The following RASSF3 variants were observed in gnomAD, a reference collection of about 807,000 sequenced individuals.
RASSF3 encodes ras association domain-containing protein 3.
Under a neutral mutation model 19.9 loss-of-function variants are expected in RASSF3, and 19 were observed. The ratio of observed to expected loss-of-function variants is 0.96; its 90% CI spans 0.67 to 1.40. The LOEUF is 1.40. RASSF3 is among the 40% of genes most tolerant of loss of function. The pLI is 0.00. For missense variants in RASSF3, 306 were observed against 289.8 expected (o/e 1.06, Z -0.41); for synonymous variants, 110 against 104.2 (o/e 1.06, Z -0.34).
chr12:64,621,707 G>C (rs943773577), intron 1 of RASSF3, among the ~76,000 whole-genome samples: 2 of 152,170 alleles, frequency 1.3e-5, no homozygotes, highest in African/African-American at 4.8e-5. Context: ...CCTGATCTCC[G>C]GTAATCTACC....
At chr12:64,545,274 A>G (rs1365610451), downstream of RASSF3, among the ~76,000 whole-genome samples, 1 of 152,170 alleles carries the variant, frequency 6.6e-6, no homozygotes, top group African/African-American at 2.4e-5. Flanking sequence ...TTGGCTTGGA[A>G]AAAAATGTGG....
intron 4 of RASSF3, among the ~76,000 whole-genome samples, chr12:64,694,091 C>T (rs373335934): frequency 1.9e-4 from 29 of 152,156 alleles, no homozygotes; most frequent in South Asian, 1.7e-3. Context: ...GAGTGAAGCT[C>T]GGTGAGAGAG....
upstream of RASSF3, among the ~76,000 whole-genome samples, chr12:64,606,809 C>T (rs974098010): frequency 6.6e-6 from 1 of 151,710 alleles, no homozygotes; most frequent in Non-Finnish European, 1.5e-5. Context: ...AGTGAGACTG[C>T]GTCTCAAAAA....
intron 1 of RASSF3, among the ~76,000 whole-genome samples, chr12:64,672,312 G>A (rs1872727043): frequency 6.6e-6 from 1 of 152,004 alleles, no homozygotes; most frequent in Non-Finnish European, 1.5e-5. Flanking sequence ...TGGAACCCCC[G>A]CCTCCTGAGT....
chr12:64,550,740 CG>C (rs1229224325), intron 2 of RASSF3, among the ~76,000 whole-genome samples: 3 of 144,142 alleles, frequency 2.1e-5, no homozygotes, highest in African/African-American at 7.6e-5. Context: ...GGGAGAATTG[CG>C]TGAGCCCAGG....
intron 1 of RASSF3, among the ~76,000 whole-genome samples, chr12:64,624,259 C>T (rs1870905568): frequency 6.6e-6 from 1 of 151,800 alleles, no homozygotes; most frequent in South Asian, 2.1e-4. Context: ...ATGCATCTTG[C>T]TTGTTTGAGG....
At chr12:64,650,747 CT>C (rs1871923297) in intron 1 of RASSF3, among the ~76,000 whole-genome samples, 4 of 151,976 alleles carry the variant, frequency 2.6e-5, no homozygotes, top group African/African-American at 9.7e-5. Context: ...TTTTAGGAGT[CT>C]TAAAAAAAGT....
At chr12:64,559,850 G>A (rs1263095179) in intron 2 of RASSF3, among the ~76,000 whole-genome samples, 1 of 152,174 alleles carries the variant, frequency 6.6e-6, no homozygotes, top group Non-Finnish European at 1.5e-5. Flanking sequence ...ACTGGTTCCT[G>A]CTCGCTAATT....
chr12:64,608,461 C>T (rs984299003), upstream of RASSF3, among the ~76,000 whole-genome samples: 6 of 152,066 alleles, frequency 3.9e-5, no homozygotes, highest in South Asian at 1.0e-3. Flanking sequence ...AGCTGGCGCA[C>T]GCTACCACGC....
chr12:64,598,593 C>G (rs1033847796), intron 2 of RASSF3, among the ~76,000 whole-genome samples: 4 of 152,172 alleles, frequency 2.6e-5, no homozygotes, highest in African/African-American at 9.7e-5. Flanking sequence ...TAGGCTACCA[C>G]TAAGGCCTCC....
At chr12:64,620,159 G>A (rs753169146) in intron 1 of RASSF3, among the ~76,000 whole-genome samples, 11 of 151,940 alleles carry the variant, frequency 7.2e-5, no homozygotes, top group African/African-American at 1.2e-4. Context: ...ATATAGGTTC[G>A]TCTGACTAGT....
intron 2 of RASSF3, among the ~76,000 whole-genome samples, chr12:64,596,079 G>C (rs1206454116): frequency 6.6e-6 from 1 of 152,224 alleles, no homozygotes; most frequent in African/African-American, 2.4e-5. Flanking sequence ...AGAGAGGCCA[G>C]GAAGAATCTA....
chr12:64,534,724 G>A (rs569957893), intron 1 of RASSF3, among the ~76,000 whole-genome samples: 1 of 152,114 alleles, frequency 6.6e-6, no homozygotes, highest in African/African-American at 2.4e-5. Flanking sequence ...AGGGTGGGAA[G>A]GGGTGGAATG....
At chr12:64,657,105 G>C (rs763534409) in intron 1 of RASSF3, among the ~76,000 whole-genome samples, 1 of 151,752 alleles carries the variant, frequency 6.6e-6, no homozygotes, top group Non-Finnish European at 1.5e-5. Flanking sequence ...CATCAACCAG[G>C]TTCAAGCGAT....
chr12:64,665,474 T>C (rs760623659), intron 1 of RASSF3, among the ~76,000 whole-genome samples: 1 of 152,100 alleles, frequency 6.6e-6, no homozygotes, highest in Non-Finnish European at 1.5e-5. Context: ...ATAAATACTA[T>C]TAGTGAGGTA....
At chr12:64,517,017 A>AG (rs1305909671) in intron 1 of RASSF3, among the ~76,000 whole-genome samples, 6 of 151,166 alleles carry the variant, frequency 4.0e-5, no homozygotes, top group African/African-American at 1.5e-4. Flanking sequence ...AAAAAAAAAA[A>AG]AAAAGAAAGA....
At chr12:64,519,066 GAA>G (rs891590493) in intron 1 of RASSF3, among the ~76,000 whole-genome samples, 1 of 152,120 alleles carries the variant, frequency 6.6e-6, no homozygotes, top group African/African-American at 2.4e-5. Context: ...TATATGATTT[GAA>G]GTCCTTTCTC....
rs559051563 is a variant in RASSF3, at chr12:64,604,214, C to T, written c.294+62509C>T. Among the ~76,000 whole-genome samples the T allele has an allele frequency of 3.6e-4, 55 of 151,838 alleles. 2 individuals are homozygous for T. The highest frequency in any genetic ancestry group is 3.2e-3 in the Admixed American group (48 of 15,238). ...GATCATGGCTCACTGTAGCCTTGAC[C>T]TCCCAGGCTCAAGCAATCCTCCCAC... On this transcript the variant is annotated intron_variant, in intron 2 of 5. Transcript: ENST00000637125.
chr12:64,666,509 G>A (rs74100742), intron 1 of RASSF3, among the ~76,000 whole-genome samples: 9 of 152,146 alleles, frequency 5.9e-5, no homozygotes, highest in Non-Finnish European at 1.2e-4. Flanking sequence ...GTGTACTCTG[G>A]TTTTCCAAAG....
Sources: allele counts gnomAD v4.1 joint callset (sites outside exome capture counted in the v4.1 genomes callset), GRCh38; gene constraint gnomAD v4.1.1; transcripts MANE v1.5; gene names NCBI Gene and HGNC (gene_info 2026-07-23, HGNC 2026-07-21).